The following HERC1 variants were observed in gnomAD, a reference collection of about 807,000 sequenced individuals.
HERC1 encodes the protein HECT and RLD domain containing E3 ubiquitin protein ligase family member 1, also known as probable E3 ubiquitin-protein ligase HERC1.
In HERC1, 160 loss-of-function variants were observed where a neutral mutation model predicts 554.3. The observed-to-expected ratio is 0.29, with a 90% confidence interval of 0.25 to 0.33. The LOEUF (loss-of-function observed/expected upper bound fraction) is 0.33. Among genes scored for constraint, HERC1 ranks in the 10% least tolerant of loss-of-function variants. The pLI, the probability that HERC1 is intolerant of heterozygous loss-of-function variation, is 1.00. For missense variants in HERC1, 4,919 were observed against 5,918.5 expected (o/e 0.83, Z 5.54); for synonymous variants, 2,175 against 2,131.7 (o/e 1.02, Z -0.56).
chr15:63,756,212 A>T lies in HERC1; in HGVS notation c.1533+225T>A, dbSNP rs1402688053. 6.6e-6 allele frequency among the ~76,000 whole-genome samples: 1 copy of T among 152,212 alleles called. No individual in the cohort carries two copies. The highest frequency in any genetic ancestry group is 1.5e-5 in the Non-Finnish European group (1 of 68,048). On this transcript the variant is annotated intron_variant, in intron 5 of 77. Transcript: ENST00000443617. This position sits in a 1 kb window ranked among gnomAD's most constrained non-coding sequence, Gnocchi z 5.0. ...TGACTCTCAGTTTGCTTATCTGTGA[A>T]ATAGGGATAATAACTACCTTACAAG...
At position 63,678,003 on chromosome 15, in the gene HERC1, C is replaced by A. The variant is rs1296193187; in HGVS notation, c.6912G>T (p.Trp2304Cys). 1 of 1,613,850 alleles carries A rather than the reference C, an allele frequency of 6.2e-7. No homozygotes were observed. Among genetic ancestry groups the A allele is most frequent in the Non-Finnish European group, 8.5e-7 (1 of 1,179,892 alleles). The part of the protein sequence containing the change: ...LQLRTLCIEV[W>C]PVLAVIGGVD... ...CTCCTCCTATCACAGCCAGCACGGG[C>A]CACACCTCTATGCAAAGAGTCCTCA... is the stretch of plus-strand genomic sequence containing the variant. The change falls in exon 37 of 78, where the codon TGG becomes TGT. Residue 2304 changes from tryptophan to cysteine, a missense_variant. Coordinates refer to ENST00000443617, the MANE Select transcript of HERC1 (RefSeq NM_003922.4).
intron 1 of HERC1, among the ~76,000 whole-genome samples, chr15:63,832,270 CGTGT>C (rs150054418): frequency 1.9e-4 from 28 of 150,802 alleles, no homozygotes; most frequent in Non-Finnish European, 3.4e-4. Flanking sequence ...GTGCAGAATA[CGTGT>C]GTGTGTGTGT....
intron 42 of HERC1, 110 bp downstream of exon 42, chr15:63,665,809 A>AT (rs1658265073): frequency 1.3e-6 from 1 of 768,356 alleles, no homozygotes; most frequent in African/African-American, 1.7e-5. Context: ...TCATATAACT[A>AT]TATTTATCAA....
Position 63,666,061 on chromosome 15 carries a change from G to T in HERC1, c.8413C>A (p.Gln2805Lys), listed in dbSNP as rs1178366321. The change falls in exon 42 of 78, where the codon CAG (glutamine) becomes AAG (lysine). Residue 2805 changes from glutamine (Q) to lysine (K), a missense_variant. By Grantham distance (53) the Gln-to-Lys change is moderately conservative. Coordinates refer to ENST00000443617, the MANE Select transcript of HERC1 (RefSeq NM_003922.4). ...CTAGAGTCTGCTGTGCTGCCCGACT[G>T]GGGCTCCTCTTCATCCTCATGCCCA... ...HPGHEDEEEPQSGSTADSRPG... is the reference protein window; with the variant it reads ...HPGHEDEEEPKSGSTADSRPG... 3 of 1,613,986 alleles carry T rather than the reference G, an allele frequency of 1.9e-6. No individual in the cohort carries two copies. The highest frequency in any genetic ancestry group is 2.5e-6 in the Non-Finnish European group (3 of 1,179,872).
At chr15:63,633,765 A>G (rs577094832) in intron 67 of HERC1, 83 bp downstream of exon 67, 1 of 1,424,698 alleles carries the variant, frequency 7.0e-7, no homozygotes, top group East Asian at 2.5e-5. Context: ...CTAAAGGTAA[A>G]TTATTTCCAA....
intron 2 of HERC1, among the ~76,000 whole-genome samples, chr15:63,768,883 T>C (rs1319826520): frequency 2.0e-5 from 3 of 152,184 alleles, no homozygotes; most frequent in African/African-American, 4.8e-5. Context: ...TCCCACTACA[T>C]AGTAAGATCT....
rs760636290 is a variant in HERC1, at chr15:63,616,547, C to T, written c.13824G>A (p.Leu4608=). 1.2e-6 allele frequency: 2 copies of T among 1,613,924 alleles called. No individual in the cohort carries two copies. The highest frequency in any genetic ancestry group is 1.7e-5 in the Admixed American group (1 of 60,006). The change falls in exon 75 of 78, where the codon CTG becomes CTA. Residue 4608 remains leucine (L), a synonymous_variant. Transcript: ENST00000443617. ...LHLAPLVWKQ[L]CCVPLTLEDL... Reference sequence around the variant, plus strand: ...CCTCTAGGGTGAGTGGGACACAGCACAGCTGCTTCCACACCAGAGGGGCCA... The same window carrying T: ...CCTCTAGGGTGAGTGGGACACAGCATAGCTGCTTCCACACCAGAGGGGCCA...
In HERC1 at chr15:63,754,623, G is replaced by A. The variant is rs1183461480; in HGVS notation, c.1656C>T (p.Asn552=). The change falls in exon 7 of 78, where the codon AAC becomes AAT. Residue 552 remains asparagine, a synonymous_variant. Coordinates refer to ENST00000443617, the MANE Select transcript of HERC1 (RefSeq NM_003922.4). ...RLGHGDSNSR[N]IPTLVKDISN... Reference sequence around the variant, plus strand: ...TGATGTCTTTTACTAATGTTGGAATGTTACGACTATTGCTGTCACCATGAC... The same window carrying A: ...TGATGTCTTTTACTAATGTTGGAATATTACGACTATTGCTGTCACCATGAC... The A allele has an allele frequency of 2.5e-6, 4 of 1,613,364 alleles. No individual in the cohort carries two copies. In the African/African-American group the frequency reaches 5.3e-5, roughly 22 times the overall value.
At chr15:63,737,939 T>C (rs971198752) in intron 12 of HERC1, among the ~76,000 whole-genome samples, 2 of 152,172 alleles carry the variant, frequency 1.3e-5, no homozygotes, top group African/African-American at 4.8e-5. Flanking sequence ...CCTAAACCAT[T>C]CATGAAGATA....
At chr15:63,627,491 TG>T (rs2068350179) in intron 70 of HERC1, among the ~76,000 whole-genome samples, 1 of 152,104 alleles carries the variant, frequency 6.6e-6, no homozygotes, top group African/African-American at 2.4e-5. Flanking sequence ...CTGGCCAATA[TG>T]GCGAAACACC....
Position 63,747,872 on chromosome 15 carries a change from T to A in HERC1, c.2220-14A>T. The A allele has an allele frequency of 6.5e-7, 1 of 1,527,664 alleles. No individual in the cohort carries two copies. Among genetic ancestry groups the A allele is most frequent in the Non-Finnish European group, 8.8e-7 (1 of 1,138,072 alleles). The allele number at this position is 1,527,664 out of a possible 1,614,324, so 94.6% of individuals were successfully genotyped here. ...GCAACAACTTGTCTAGAAGGACACA[T>A]AAGAAAATAATAAAACAGTCTTAAA... On this transcript the variant is annotated splice_polypyrimidine_tract_variant and intron_variant, in intron 10 of 77. Transcript: ENST00000443617.
chr15:63,712,841 T>A lies in HERC1; in HGVS notation c.4518A>T (p.Arg1506Ser). The A allele has an allele frequency of 6.2e-7, 1 of 1,613,788 alleles. No homozygotes were observed. The highest frequency in any genetic ancestry group is 8.5e-7 in the Non-Finnish European group (1 of 1,179,756). Reference sequence around the variant, plus strand: ...CAGATTCACTCCTCGATTTGATCAGTCTATAATTTGGGCTTGTGTGGACTA... The same window carrying A: ...CAGATTCACTCCTCGATTTGATCAGACTATAATTTGGGCTTGTGTGGACTA... ...SRLVHTSPNY[R>S]LIKSRSESDL... is the part of the protein sequence containing the mutation. The change falls in exon 24 of 78, where the codon AGA (arginine) becomes AGT (serine). Residue 1506 changes from arginine to serine, a missense_variant. Physicochemically the swap from Arg to Ser is moderately radical, Grantham distance 110. Around this residue, in one of 11 missense-constraint regions of HERC1, gnomAD observed 1,121 missense variants for 1,244.0 expected, o/e 0.90. Coordinates refer to ENST00000443617, the MANE Select transcript of HERC1 (RefSeq NM_003922.4).
At chr15:63,786,965 C>A (rs962997874) in intron 1 of HERC1, among the ~76,000 whole-genome samples, 2 of 141,980 alleles carry the variant, frequency 1.4e-5, no homozygotes, top group African/African-American at 5.2e-5. Flanking sequence ...ACTCTTGTTG[C>A]CCAGTCGGTA....
chr15:63,764,255 T>A, intron 2 of HERC1, 64 bp from the exon 3 acceptor site: 1 of 1,092,862 alleles, frequency 9.2e-7, no homozygotes, highest in Non-Finnish European at 1.4e-6. Context: ...TAAAATTAGT[T>A]AAACAGTCTA....
Position 63,768,002 on chromosome 15 carries a change from G to A in HERC1, c.931-3811C>T, listed in dbSNP as rs188725027. 2.4e-3 allele frequency among the ~76,000 whole-genome samples: 369 copies of A among 151,694 alleles called. 2 individuals are homozygous for A. The highest frequency in any genetic ancestry group is 1.2e-3 in the Non-Finnish European group (84 of 67,980). On this transcript the variant is annotated intron_variant, in intron 2 of 77. Transcript: ENST00000443617. ...TCCTGTTGTCATAGTCTCCGTTATC[G>A]CCCCACCCCATTAATAATCATTATT...
At position 63,718,509 on chromosome 15, in the gene HERC1, C is replaced by T. The variant is rs1472517146; in HGVS notation, c.3978+65G>A. 9.5e-6 allele frequency: 14 copies of T among 1,472,842 alleles called. 1 individual carries two copies. The highest frequency in any genetic ancestry group is 2.8e-5 in the African/African-American group (2 of 70,472). 91.2% of individuals were successfully genotyped at this position (1,472,842 alleles called of 1,614,324 possible). On this transcript the variant is annotated intron_variant, in intron 21 of 77. Transcript: ENST00000443617. This position sits in a 1 kb window ranked among gnomAD's most constrained non-coding sequence, Gnocchi z 4.2. ...AAGGCACATTTTTTTCTCACATAAA[C>T]CAATTTAGAGCTAGCTCTCACAGCT...
chr15:63,730,983 T>C (rs1271620113), intron 14 of HERC1, among the ~76,000 whole-genome samples: 1 of 152,256 alleles, frequency 6.6e-6, no homozygotes, highest in Admixed American at 6.5e-5. Context: ...TTTTTTGGTG[T>C]ATTTCTTTCC....
chr15:63,693,911 T>TG (rs1672180862), intron 30 of HERC1, 53 bp downstream of exon 30: 1 of 1,506,582 alleles, frequency 6.6e-7, no homozygotes, highest in Admixed American at 2.2e-5. Context: ...ATGCACACAA[T>TG]GGGGTTTTAA....
intron 33 of HERC1, among the ~76,000 whole-genome samples, chr15:63,686,744 T>C (rs2071785014): frequency 6.6e-6 from 1 of 152,152 alleles, no homozygotes; most frequent in African/African-American, 2.4e-5. Context: ...AGAAGACAAA[T>C]ACATACTGCT....
Sources: gnomAD v4.1 joint callset for allele counts (sites outside exome capture counted in the v4.1 genomes callset) on GRCh38, gnomAD v4.1.1 for gene constraint, gnomAD v4.1.1 regional missense constraint, Gnocchi (gnomAD v3.1) non-coding constraint, MANE v1.5 for transcripts, NCBI Gene and HGNC (gene_info 2026-07-23, HGNC 2026-07-21) for gene names.